The following SPRED2 variants were observed in gnomAD, a reference collection of about 807,000 sequenced individuals.
The protein encoded by SPRED2 is sprouty related EVH1 domain containing 2, also known as sprouty-related, EVH1 domain-containing protein 2.
SPRED2 carries 47 observed loss-of-function variants against 43.0 expected under a neutral mutation model. The observed-to-expected ratio is 1.09, with a 90% confidence interval of 0.87 to 1.40. The LOEUF (loss-of-function observed/expected upper bound fraction) is 1.40. Among genes scored for constraint, SPRED2 ranks in the 40% most tolerant of loss-of-function variants. The pLI, the probability that SPRED2 is intolerant of heterozygous loss-of-function variation, is 0.00. For missense variants in SPRED2, 561 were observed against 586.4 expected (o/e 0.96, Z 0.45); for synonymous variants, 225 against 225.7 (o/e 1.00, Z 0.03).
chr2:65,384,753 G>T (rs1675453022), intron 1 of SPRED2, among the ~76,000 whole-genome samples: 1 of 152,082 alleles, frequency 6.6e-6, no homozygotes, highest in Non-Finnish European at 1.5e-5. Context: ...ACCCTGTCAG[G>T]TCCCCATTCA....
chr2:65,327,865 AGG>A (rs1402456523), intron 4 of SPRED2, among the ~76,000 whole-genome samples: 11 of 151,482 alleles, frequency 7.3e-5, no homozygotes, highest in Non-Finnish European at 1.5e-4. Flanking sequence ...CTGGGATTAC[AGG>A]GGCCCGCCAT....
chr2:65,414,709 G>A (rs780418877), intron 1 of SPRED2, among the ~76,000 whole-genome samples: 24 of 152,190 alleles, frequency 1.6e-4, no homozygotes, highest in Non-Finnish European at 3.5e-4. Flanking sequence ...TGAACTGCAG[G>A]AACCTTAAGG....
At chr2:65,323,150 C>A (rs1343161311) in intron 4 of SPRED2, among the ~76,000 whole-genome samples, 3 of 152,156 alleles carry the variant, frequency 2.0e-5, no homozygotes, top group African/African-American at 7.2e-5. Flanking sequence ...CGTGCCACCA[C>A]ACCTGGCTAA....
At chr2:65,398,242 A>G (rs1675803356) in intron 1 of SPRED2, among the ~76,000 whole-genome samples, 1 of 152,260 alleles carries the variant, frequency 6.6e-6, no homozygotes, top group Non-Finnish European at 1.5e-5. Flanking sequence ...TCAACTCAAG[A>G]TGGACCAAAG....
chr2:65,311,947 C>A lies in SPRED2; in HGVS notation c.*1554G>T. 1.0e-6 allele frequency: 1 copy of A among 985,292 alleles called. No individual in the cohort carries two copies. Among genetic ancestry groups the A allele is most frequent in the Non-Finnish European group, 1.2e-6 (1 of 829,926 alleles). 61.0% of individuals were successfully genotyped at this position (985,292 alleles called of 1,614,324 possible). On this transcript the variant is annotated 3_prime_UTR_variant, in exon 6 of 6. Coordinates refer to ENST00000356388, the MANE Select transcript of SPRED2 (RefSeq NM_181784.3). ...AGGAGTGGGGAAAGGGAGTGGGGAG[C>A]AGGCCATGTCTTCTGCTGGCCGCTA...
chr2:65,368,204 C>T (rs1242089210), intron 1 of SPRED2, among the ~76,000 whole-genome samples: 1 of 152,188 alleles, frequency 6.6e-6, no homozygotes, highest in African/African-American at 2.4e-5. Flanking sequence ...GACTCTAATT[C>T]TTAAAGGACC....
At chr2:65,393,493 C>A (rs891464343) in intron 1 of SPRED2, among the ~76,000 whole-genome samples, 1 of 151,924 alleles carries the variant, frequency 6.6e-6, no homozygotes, top group Non-Finnish European at 1.5e-5. Flanking sequence ...GCCACTACCG[C>A]CCGGCTAATT....
intron 2 of SPRED2, among the ~76,000 whole-genome samples, chr2:65,335,301 G>A (rs1673932757): frequency 6.6e-6 from 1 of 151,776 alleles, no homozygotes; most frequent in Non-Finnish European, 1.5e-5. Flanking sequence ...TAATCACCAG[G>A]TCCATTTCAT....
chr2:65,321,946 G>A (rs555663056), intron 4 of SPRED2, among the ~76,000 whole-genome samples: 4 of 151,742 alleles, frequency 2.6e-5, no homozygotes, highest in Non-Finnish European at 5.9e-5. Context: ...CTAATTTTTT[G>A]ATTTTTTTAG....
At chr2:65,345,252 A>AGTT (rs1558661714) in intron 1 of SPRED2, among the ~76,000 whole-genome samples, 90 of 108,322 alleles carry the variant, frequency 8.3e-4, no homozygotes, top group African/African-American at 3.0e-3. Context: ...TTTGGTTTTT[A>AGTT]GTTGTTGTTT....
intron 1 of SPRED2, among the ~76,000 whole-genome samples, chr2:65,410,294 T>C (rs1418323884): frequency 6.6e-6 from 1 of 152,146 alleles, no homozygotes; most frequent in Non-Finnish European, 1.5e-5. Flanking sequence ...TCAAATGATC[T>C]GCAAGCAGCC....
chr2:65,324,825 C>T (rs1010393916), intron 4 of SPRED2, among the ~76,000 whole-genome samples: 1 of 152,188 alleles, frequency 6.6e-6, no homozygotes, highest in African/African-American at 2.4e-5. Context: ...CTTTCTGTGT[C>T]TTCAGGACGA....
intron 1 of SPRED2, among the ~76,000 whole-genome samples, chr2:65,354,735 C>T (rs1234232149): frequency 6.6e-6 from 1 of 151,932 alleles, no homozygotes; most frequent in African/African-American, 2.4e-5. Context: ...TGACAGACCA[C>T]GTGTAATTGG....
chr2:65,384,840 G>A (rs749565315), intron 1 of SPRED2, among the ~76,000 whole-genome samples: 1 of 152,180 alleles, frequency 6.6e-6, no homozygotes, highest in Non-Finnish European at 1.5e-5. Context: ...TTCACCAAGA[G>A]TTCCAGGCTC....
intron 5 of SPRED2, among the ~76,000 whole-genome samples, chr2:65,316,455 G>T (rs6546144): frequency 0.97 from 147,195 of 152,340 alleles, 71,169 homozygotes; most frequent in East Asian, 1. Context: ...CTTCCTCATC[G>T]ATAACCTGGG....
rs1673259676 is a variant in SPRED2, at chr2:65,316,960, T to C, written c.439-77A>G. 13 of 1,450,656 alleles carry C rather than the reference T, an allele frequency of 9.0e-6. No homozygotes were observed. In the South Asian group the frequency reaches 1.5e-4, roughly 17 times the overall value. The allele number at this position is 1,450,656 out of a possible 1,614,324, so 89.9% of individuals were successfully genotyped here. A position where few individuals can be genotyped will look rare whatever the true frequency, so the allele number is the denominator to read the frequency against. On this transcript the variant is annotated intron_variant, in intron 4 of 5. Transcript: ENST00000356388. ...CCACGCAGCAAACCCTGACATGCAC[T>C]ATTCAAATACTAGCTATTCCCTGGT...
intron 1 of SPRED2, chr2:65,377,801 A>G: frequency 2.3e-6 from 1 of 443,546 alleles, no homozygotes. Flanking sequence ...GAGACCAAAG[A>G]GGAGCCCGGG....
chr2:65,384,341 T>C (rs1199922695), intron 1 of SPRED2, among the ~76,000 whole-genome samples: 1 of 152,104 alleles, frequency 6.6e-6, no homozygotes, highest in Admixed American at 6.5e-5. Context: ...AAGTCAGATG[T>C]TCCCAAGCTT....
chr2:65,352,607 C>A (rs1321851674), intron 1 of SPRED2, among the ~76,000 whole-genome samples: 1 of 152,326 alleles, frequency 6.6e-6, no homozygotes, highest in East Asian at 1.9e-4. Flanking sequence ...TAGAGGACTA[C>A]AACATAGCTT....
Sources: allele counts gnomAD v4.1 joint callset (sites outside exome capture counted in the v4.1 genomes callset), GRCh38; gene constraint gnomAD v4.1.1; transcripts MANE v1.5; gene names NCBI Gene and HGNC (gene_info 2026-07-23, HGNC 2026-07-21).